The following YARS1 variants were observed in gnomAD, a reference collection of about 807,000 sequenced individuals.
YARS1 encodes the protein tyrosyl-tRNA synthetase 1, also known as tyrosine--tRNA ligase, cytoplasmic.
Under a neutral mutation model 62.2 loss-of-function variants are expected in YARS1, and 36 were observed. That is an observed-to-expected ratio of 0.58 (90% CI 0.44 to 0.76). The LOEUF is 0.76. YARS1 is among the 30% of genes least tolerant of loss of function. The pLI is 0.00. For missense variants in YARS1, 524 were observed against 639.8 expected (o/e 0.82, Z 1.95); for synonymous variants, 234 against 244.9 (o/e 0.96, Z 0.42).
At position 32,806,496 on chromosome 1, in the gene YARS1, A is replaced by T; in HGVS notation, c.496T>A (p.Tyr166Asn). The T allele has an allele frequency of 6.2e-7, 1 of 1,614,134 alleles. No homozygotes were observed. Among genetic ancestry groups the T allele is most frequent in the Non-Finnish European group, 8.5e-7 (1 of 1,180,012 alleles). The change falls in exon 4 of 13, where the codon TAC becomes AAC. Residue 166 changes from tyrosine to asparagine, a missense_variant. Tyr to Asn is a moderately radical substitution (Grantham distance 143). Coordinates refer to ENST00000373477, the MANE Select transcript of YARS1 (RefSeq NM_003680.4). ...CCCTTAAGTACCTGCAGTCCGGGGT[A>T]TAAGAGGCCACTCAGCAAAGGGTGC... is the stretch of plus-strand genomic sequence containing the variant. ...VEHPLLSGLL[Y>N]PGLQALDEEY... is the part of the protein sequence containing the mutation.
At position 32,786,392 on chromosome 1, in the gene YARS1, G is replaced by A. The variant is rs144212952; in HGVS notation, c.876C>T (p.Tyr292=). The change falls in exon 8 of 13, where the codon TAC becomes TAT. Residue 292 remains tyrosine, a synonymous_variant. Coordinates refer to ENST00000373477, the MANE Select transcript of YARS1 (RefSeq NM_003680.4). ...KWGGNKTYTA[Y]VDLEKDFAAE... The stretch of plus-strand genomic sequence containing the variant: ...CAGCAAAGTCCTTTTCCAGGTCCAC[G>A]TAAGCTGTGTAGGTTTTGTTTCCAC... The A allele has an allele frequency of 1.9e-6, 3 of 1,613,866 alleles. No homozygotes were observed. Among genetic ancestry groups the A allele is most frequent in the East Asian group, 2.2e-5 (1 of 44,858 alleles).
At chr1:32,802,861 G>T (rs1233621858) in intron 4 of YARS1, among the ~76,000 whole-genome samples, 1 of 152,060 alleles carries the variant, frequency 6.6e-6, no homozygotes, top group African/African-American at 2.4e-5. Flanking sequence ...TACCCAGGCT[G>T]GAGTGCAGTG....
chr1:32,789,292 C>T (rs968519181), intron 6 of YARS1, among the ~76,000 whole-genome samples: 4 of 152,084 alleles, frequency 2.6e-5, no homozygotes, highest in Non-Finnish European at 4.4e-5. Context: ...CTTAAGATGC[C>T]GAAAATTGCT....
chr1:32,806,711 T>A, intron 3 of YARS1, 100 bp from the exon 4 acceptor site: 2 of 1,502,144 alleles, frequency 1.3e-6, no homozygotes, highest in African/African-American at 1.4e-5. Context: ...AACCTTAGTG[T>A]AACCAGGGAT....
At chr1:32,815,602 C>T (rs756673648) in intron 1 of YARS1, among the ~76,000 whole-genome samples, 1 of 152,314 alleles carries the variant, frequency 6.6e-6, no homozygotes. Context: ...AAAGGAATGA[C>T]GTTCTGCTAG....
intron 1 of YARS1, 52 bp downstream of exon 1, chr1:32,817,136 G>A: frequency 6.2e-7 from 1 of 1,609,218 alleles, no homozygotes; most frequent in Non-Finnish European, 8.5e-7. Flanking sequence ...CAAAATCACT[G>A]AACCTCGGGC....
chr1:32,795,408 G>A (rs981365039), intron 5 of YARS1, among the ~76,000 whole-genome samples: 2 of 152,166 alleles, frequency 1.3e-5, no homozygotes, highest in African/African-American at 2.4e-5. Flanking sequence ...TGCATTGTTG[G>A]GCAGTGGTAA....
intron 5 of YARS1, among the ~76,000 whole-genome samples, chr1:32,791,803 AAAAAACAAAAAC>A (rs1402825909): frequency 2.6e-5 from 4 of 151,674 alleles, no homozygotes; most frequent in Admixed American, 6.6e-5. Flanking sequence ...ACTCCATCTC[AAAAAACAAAAAC>A]AAAAACAAAA....
At chr1:32,786,331 C>T (rs367937072) in intron 8 of YARS1, 31 bp downstream of exon 8, 5 of 1,604,742 alleles carry the variant, frequency 3.1e-6, no homozygotes, top group South Asian at 1.1e-5. Flanking sequence ...TACAGATCTT[C>T]ATGAAAGGAT....
Position 32,775,307 on chromosome 1 carries a change from A to C in YARS1, c.*674T>G, listed in dbSNP as rs1652807916. ...ATTTGACTGAGATGCCTTATGGAGA[A>C]GTACCCCACCCTCTATGAAGACAGA... On this transcript the variant is annotated 3_prime_UTR_variant, in exon 13 of 13. Coordinates refer to ENST00000373477, the MANE Select transcript of YARS1 (RefSeq NM_003680.4). The C allele has an allele frequency of 6.5e-6, 1 of 152,836 alleles. No individual in the cohort carries two copies. The highest frequency in any genetic ancestry group is 6.5e-5 in the Admixed American group (1 of 15,346). 9.5% of individuals were successfully genotyped at this position (152,836 alleles called of 1,614,324 possible).
intron 5 of YARS1, among the ~76,000 whole-genome samples, chr1:32,792,122 G>C (rs1396102823): frequency 6.6e-6 from 1 of 152,196 alleles, no homozygotes; most frequent in Admixed American, 6.5e-5. Context: ...AAGTCTGGCA[G>C]AGAACAGGTT....
intron 11 of YARS1, 91 bp from the exon 12 acceptor site, chr1:32,779,614 C>G: frequency 6.4e-7 from 1 of 1,562,354 alleles, no homozygotes; most frequent in South Asian, 1.1e-5. Context: ...TACACAGGGG[C>G]CCTGATGGGA....
chr1:32,779,982 T>C (rs1652997815), intron 11 of YARS1, 103 bp downstream of exon 11: 1 of 1,411,984 alleles, frequency 7.1e-7, no homozygotes. Context: ...AGGCACGTGT[T>C]CTCAGAGCTT....
At position 32,810,645 on chromosome 1, in the gene YARS1, C is replaced by G; in HGVS notation, c.326G>C (p.Gly109Ala). Residue 109 changes from glycine (G) to alanine (A), a missense_variant, in exon 3 of 13, where the codon GGT becomes GCT. By Grantham distance (60) the Gly-to-Ala change is moderately conservative. Transcript: ENST00000373477. ...NVIKAMLESI[G>A]VPLEKLKFIK... ...GAACTTGAGCTTCTCCAAGGGCACA[C>G]CAATGCTCTCCAGCATTGCTTTGAT... The G allele has an allele frequency of 6.2e-7, 1 of 1,613,878 alleles. No individual in the cohort carries two copies. The highest frequency in any genetic ancestry group is 1.1e-5 in the South Asian group (1 of 91,062).
chr1:32,782,201 A>T, intron 9 of YARS1: 1 of 755,200 alleles, frequency 1.3e-6, no homozygotes, highest in Admixed American at 2.6e-5. Flanking sequence ...ATGCCGGTAC[A>T]AAAGGATGTG....
At chr1:32,802,485 T>G (rs1462992871) in intron 4 of YARS1, among the ~76,000 whole-genome samples, 1 of 152,132 alleles carries the variant, frequency 6.6e-6, no homozygotes. Context: ...CTATGGCAGC[T>G]ATAGCCTTTT....
chr1:32,781,066 T>G lies in YARS1; in HGVS notation c.1122A>C (p.Lys374Asn). The G allele has an allele frequency of 1.2e-6, 2 of 1,614,198 alleles. No individual in the cohort carries two copies. The highest frequency in any genetic ancestry group is 1.7e-6 in the Non-Finnish European group (2 of 1,180,030). The stretch of plus-strand genomic sequence containing the variant: ...TGAGTACCTTCTCCACAGTGATGAT[T>G]TTCCCCACACGGATATCCAGCCGGG... ...IPSRLDIRVG[K>N]IITVEKHPDA... Residue 374 changes from lysine to asparagine, a missense_variant, in exon 10 of 13, where the codon AAA (lysine) becomes AAC (asparagine). Transcript: ENST00000373477.
intron 10 of YARS1, 126 bp downstream of exon 10, chr1:32,780,922 C>T: frequency 1.2e-6 from 1 of 853,968 alleles, no homozygotes; most frequent in Non-Finnish European, 2.0e-6. Context: ...AATTAGACAC[C>T]TGCACTCTGA....
chr1:32,795,412 G>A (rs1241893183), intron 5 of YARS1, among the ~76,000 whole-genome samples: 4 of 152,236 alleles, frequency 2.6e-5, no homozygotes, highest in Non-Finnish European at 5.9e-5. Flanking sequence ...TTGTTGGGCA[G>A]TGGTAAAAAT....
Sources: gnomAD v4.1 joint callset for allele counts (sites outside exome capture counted in the v4.1 genomes callset) on GRCh38, gnomAD v4.1.1 for gene constraint, MANE v1.5 for transcripts, NCBI Gene and HGNC (gene_info 2026-07-23, HGNC 2026-07-21) for gene names.